Variants in NRN1 observed in about 807,000 individuals in gnomAD.
NRN1 encodes neuritin.
In NRN1, 4 loss-of-function variants were observed where a neutral mutation model predicts 15.0. The observed-to-expected ratio is 0.27, with a 90% CI of 0.13 to 0.61. The LOEUF (loss-of-function observed/expected upper bound fraction) is 0.61. NRN1 is among the 20% of genes least tolerant of loss of function. The pLI, the probability that NRN1 is intolerant of heterozygous loss-of-function variation, is 0.87. For synonymous variants in NRN1, 85 were observed against 79.8 expected, an observed-to-expected ratio of 1.07 and a Z score of -0.35; for missense variants, 134 against 181.9, an observed-to-expected ratio of 0.74 and a Z score of 1.51.
At chr6:6,003,132 C>G (rs940688814) in intron 1 of NRN1, 19 of 1,153,754 alleles carry the variant, frequency 1.6e-5, no homozygotes, top group South Asian at 4.4e-5. Context: ...CAGCAGTTAC[C>G]GAAATGGATT....
chr6:5,999,442 T>C (rs561928029), intron 2 of NRN1, among the ~76,000 whole-genome samples: 5 of 152,334 alleles, frequency 3.3e-5, no homozygotes, highest in Admixed American at 6.5e-5. Context: ...CCCTCCTGTC[T>C]GGTTTTCCCT....
intron 1 of NRN1, 121 bp downstream of exon 1, chr6:6,006,574 G>T: frequency 2.3e-6 from 2 of 856,312 alleles, no homozygotes; most frequent in South Asian, 1.4e-5. Context: ...CCACCCTCGG[G>T]GGATTGCCGG....
chr6:6,007,059 C>T (rs372694572), upstream of NRN1: 1 of 357,674 alleles, frequency 2.8e-6, no homozygotes, highest in Non-Finnish European at 5.1e-6. Context: ...GGGGATGACA[C>T]GGAATGATTT....
chr6:6,004,104 C>A (rs1185135069), intron 1 of NRN1: 2 of 1,002,648 alleles, frequency 2.0e-6, no homozygotes, highest in African/African-American at 1.7e-5. Flanking sequence ...GCGGGCCTTG[C>A]GCTTTTTAAT....
In NRN1 at chr6:6,000,722, CTTTTTT is replaced by C. The variant is rs55712329; in HGVS notation, c.201-1524_201-1519del. Among the ~76,000 whole-genome samples the C allele has an allele frequency of 1.4e-3, 85 of 60,858 alleles. 1 individual carries two copies. The highest frequency in any genetic ancestry group is 4.0e-3 in the East Asian group (8 of 2,018). The allele number at this position is 60,858 out of a possible 152,430, so 39.9% of individuals were successfully genotyped here. A position where few individuals can be genotyped will look rare whatever the true frequency, so the allele number is the denominator to read the frequency against. Reference sequence around the variant, plus strand: ...CCTGCTAAAGGATGCCTAAATTGCTCTTTTTTTTTTTTTTTTTTTTTTTTTTATGTA... The same window carrying C: ...CCTGCTAAAGGATGCCTAAATTGCTCTTTTTTTTTTTTTTTTTTTTATGTA... On this transcript the variant is annotated intron_variant, in intron 2 of 2. Transcript: ENST00000244766.
intron 1 of NRN1, among the ~76,000 whole-genome samples, chr6:6,005,117 G>A (rs1377609696): frequency 3.3e-5 from 5 of 151,988 alleles, no homozygotes; most frequent in African/African-American, 4.8e-5. Context: ...CCTCAGGCAC[G>A]ACCACCGTCT....
rs1258987331 is a variant in NRN1, at chr6:5,998,286, C to T, written c.*690G>A. 6.6e-6 allele frequency: 1 copy of T among 152,272 alleles called. No individual in the cohort carries two copies. 9.4% of individuals were successfully genotyped at this position (152,272 alleles called of 1,614,324 possible). A position where few individuals can be genotyped will look rare whatever the true frequency, so the allele number is the denominator to read the frequency against. On this transcript the variant is annotated 3_prime_UTR_variant, in exon 3 of 3. Transcript: ENST00000244766. ...CAGTGAACTTGGACGGATGCATCAA[C>T]AACAGCAGATAAAGCTAACCCCTCA...
intron 2 of NRN1, 110 bp downstream of exon 2, chr6:6,002,243 G>A (rs1233743371): frequency 2.9e-6 from 4 of 1,386,806 alleles, no homozygotes; most frequent in South Asian, 1.3e-5. Flanking sequence ...GTGAGCCGAT[G>A]CGGATTCGCG....
chr6:5,999,687 C>T (rs747815597), intron 2 of NRN1, among the ~76,000 whole-genome samples: 4 of 152,228 alleles, frequency 2.6e-5, no homozygotes, highest in African/African-American at 4.8e-5. Context: ...CCCCTCGCCC[C>T]TTCTGTCTCC....
intron 2 of NRN1, among the ~76,000 whole-genome samples, chr6:5,999,696 C>G (rs911940054): frequency 9.2e-5 from 14 of 151,962 alleles, no homozygotes; most frequent in Admixed American, 6.6e-5. Context: ...CCTTCTGTCT[C>G]CCTCCTTCTC....
chr6:6,006,618 T>C, intron 1 of NRN1, 77 bp downstream of exon 1: 1 of 1,431,136 alleles, frequency 7.0e-7, no homozygotes, highest in East Asian at 2.3e-5. Flanking sequence ...GCGGACCCGC[T>C]AGTCCCCCTC....
chr6:6,000,206 G>C (rs568995284), intron 2 of NRN1, among the ~76,000 whole-genome samples: 37 of 152,190 alleles, frequency 2.4e-4, no homozygotes, highest in Admixed American at 1.5e-3. Flanking sequence ...TCCTCCTCTT[G>C]CGGTCAGTTC....
chr6:6,007,106 TTTATAGTC>T (rs1758131208), upstream of NRN1: 1 of 243,750 alleles, frequency 4.1e-6, no homozygotes, highest in African/African-American at 2.3e-5. Context: ...AGAATCGCCA[TTTATAGTC>T]ATCAGAAGCT....
chr6:6,006,332 C>T (rs1758108605), intron 1 of NRN1, among the ~76,000 whole-genome samples: 1 of 152,236 alleles, frequency 6.6e-6, no homozygotes, highest in Non-Finnish European at 1.5e-5. Flanking sequence ...CATTTCGACT[C>T]TTCAAAATCA....
In NRN1 at chr6:6,002,510, G is replaced by C; in HGVS notation, c.56-13C>G. 6.2e-7 allele frequency: 1 copy of C among 1,608,842 alleles called. No individual in the cohort carries two copies. The highest frequency in any genetic ancestry group is 8.5e-7 in the Non-Finnish European group (1 of 1,176,538). ...TGCACCAGATACGCTGCGGGGAGGA[G>C]GGAACACCGGTCAGCAGCGCCACGA... On this transcript the variant is annotated splice_polypyrimidine_tract_variant and intron_variant, in intron 1 of 2. Coordinates refer to ENST00000244766, the MANE Select transcript of NRN1 (RefSeq NM_016588.3).
intron 1 of NRN1, 36 bp from the exon 2 acceptor site, chr6:6,002,533 C>A: frequency 6.3e-7 from 1 of 1,596,752 alleles, no homozygotes; most frequent in Non-Finnish European, 8.5e-7. Flanking sequence ...AGCAGCGCCA[C>A]GACCCCGCCC....
At chr6:6,002,098 G>A (rs1400619627) in intron 2 of NRN1, among the ~76,000 whole-genome samples, 1 of 152,260 alleles carries the variant, frequency 6.6e-6, no homozygotes, top group Non-Finnish European at 1.5e-5. Context: ...GAGAGGCCGC[G>A]TAGAGCTGGG....
chr6:6,002,770 T>C (rs369278476), intron 1 of NRN1: 14 of 476,944 alleles, frequency 2.9e-5, no homozygotes, highest in Middle Eastern at 5.5e-4. Context: ...TTCCTCCAGC[T>C]CCCTCCCGCA....
chr6:6,001,679 A>G (rs963236951), intron 2 of NRN1, among the ~76,000 whole-genome samples: 1 of 152,196 alleles, frequency 6.6e-6, no homozygotes, highest in Non-Finnish European at 1.5e-5. Flanking sequence ...CAAAGCGACT[A>G]TCACTGGACC....
Sources: gnomAD v4.1 joint callset for allele counts (sites outside exome capture counted in the v4.1 genomes callset) on GRCh38, gnomAD v4.1.1 for gene constraint, MANE v1.5 for transcripts, NCBI Gene and HGNC (gene_info 2026-07-23, HGNC 2026-07-21) for gene names.